The following NME5 variants were observed in gnomAD, a reference collection of about 807,000 sequenced individuals.
NME5 encodes the protein NME/NM23 family member 5, also known as nucleoside diphosphate kinase 5.
Under a neutral mutation model 21.6 loss-of-function variants are expected in NME5, and 18 were observed. The observed-to-expected ratio is 0.83, with a 90% CI of 0.58 to 1.24. NME5 has a LOEUF of 1.24. Among genes scored for constraint, NME5 ranks in the 50% most tolerant of loss-of-function variants. The probability of loss-of-function intolerance (pLI) is 0.00; values close to 1 mark genes in which losing one functional copy is unlikely to be tolerated. For synonymous variants in NME5, 70 were observed against 80.6 expected (o/e 0.87, Z 0.71); for missense variants, 223 against 255.4 (o/e 0.87, Z 0.86).
rs551894916 is a variant in NME5 at position 138,121,637 on chromosome 5, G to A, written c.437-2701C>T. 2.0e-5 allele frequency among the ~76,000 whole-genome samples: 3 copies of A among 152,204 alleles called. No homozygotes were observed. The South Asian group carries it at 6.2e-4, about 32-fold the overall frequency. ...AGTTTACTTCTAGATCCTCAATTCT[G>A]TTCCAATAATCTATATGTGTATCTT... On this transcript the variant is annotated intron_variant, in intron 4 of 5. Coordinates refer to ENST00000265191, the MANE Select transcript of NME5 (RefSeq NM_003551.3).
chr5:138,129,130 GC>G, intron 3 of NME5, 132 bp downstream of exon 3: 1 of 672,098 alleles, frequency 1.5e-6, no homozygotes, highest in South Asian at 2.0e-5. Context: ...GCCACCCTCT[GC>G]CCCCCAAAAA....
At chr5:138,116,854 C>T (rs1288360156) in intron 5 of NME5, among the ~76,000 whole-genome samples, 2 of 151,974 alleles carry the variant, frequency 1.3e-5, no homozygotes, top group African/African-American at 4.8e-5. Flanking sequence ...ACCCCTATAC[C>T]ACACCATATA....
At chr5:138,138,498 T>C in intron 2 of NME5, 154 bp downstream of exon 2, 2 of 619,790 alleles carry the variant, frequency 3.2e-6, no homozygotes, top group Non-Finnish European at 5.3e-6. Flanking sequence ...TACATCCTTT[T>C]AAAAACTATC....
intron 5 of NME5, 147 bp from the exon 6 acceptor site, chr5:138,115,911 T>C: frequency 3.8e-6 from 2 of 530,730 alleles, no homozygotes; most frequent in Non-Finnish European, 6.4e-6. Context: ...ATTTACATTA[T>C]GCAAGATTGT....
chr5:138,127,221 G>A (rs1198888067), intron 4 of NME5, among the ~76,000 whole-genome samples: 3 of 152,142 alleles, frequency 2.0e-5, no homozygotes. Context: ...TGACTGAAAG[G>A]CCAGTGGAGA....
intron 2 of NME5, among the ~76,000 whole-genome samples, chr5:138,131,806 T>C (rs1483143699): frequency 1.3e-5 from 2 of 151,926 alleles, no homozygotes; most frequent in Non-Finnish European, 2.9e-5. Context: ...TGCAGTGGTG[T>C]GATCTTGGCT....
intron 3 of NME5, 64 bp downstream of exon 3, chr5:138,129,198 AT>A (rs11428296): frequency 8.1e-3 from 8,547 of 1,059,014 alleles, no homozygotes; most frequent in South Asian, 0.011. Context: ...ATGAAATCAG[AT>A]TTTTTTTTTT....
intron 2 of NME5, among the ~76,000 whole-genome samples, chr5:138,132,722 T>C (rs982533365): frequency 2.6e-4 from 40 of 152,254 alleles, no homozygotes; most frequent in African/African-American, 8.4e-4. Flanking sequence ...GGAACACGCT[T>C]ACCTAGGTGG....
In NME5 at chr5:138,132,949, T is replaced by G. The variant is rs149909076; in HGVS notation, c.130-3481A>C. On this transcript the variant is annotated intron_variant, in intron 2 of 5. Coordinates refer to ENST00000265191, the MANE Select transcript of NME5 (RefSeq NM_003551.3). ...GATTATGCGTATTAGCGTTTTTTTTTTTTGTTTTTTCTTGCTGAGTTTAAA... is the reference window on the plus strand; with the variant it reads ...GATTATGCGTATTAGCGTTTTTTTTGTTTGTTTTTTCTTGCTGAGTTTAAA... Among the ~76,000 whole-genome samples, 558 of 152,258 alleles carry G rather than the reference T, an allele frequency of 3.7e-3. 3 individuals are homozygous for G. Among genetic ancestry groups the G allele is most frequent in the African/African-American group, 0.013 (530 of 41,548 alleles).
rs543775148 is a variant in NME5, at chr5:138,131,642, A to T, written c.130-2174T>A. The stretch of plus-strand genomic sequence containing the variant: ...CAAATAGATGTTATTTCCTTCACAA[A>T]TGAGACTATAAAAATTAATCAGGTT... On this transcript the variant is annotated intron_variant, in intron 2 of 5. Coordinates refer to ENST00000265191, the MANE Select transcript of NME5 (RefSeq NM_003551.3). Among the ~76,000 whole-genome samples, 3 of 152,290 alleles carry T rather than the reference A, an allele frequency of 2.0e-5. No homozygotes were observed. The South Asian group carries it at 6.2e-4, about 32-fold the overall frequency.
At chr5:138,137,595 C>A (rs1444826868) in intron 2 of NME5, among the ~76,000 whole-genome samples, 1 of 150,306 alleles carries the variant, frequency 6.7e-6, no homozygotes, top group Non-Finnish European at 1.5e-5. Flanking sequence ...GGATTACAGG[C>A]GTGAGCCACC....
intron 2 of NME5, among the ~76,000 whole-genome samples, chr5:138,129,703 G>A (rs1751515473): frequency 6.6e-6 from 1 of 152,178 alleles, no homozygotes; most frequent in East Asian, 1.9e-4. Flanking sequence ...CATGCCTGTA[G>A]TCCTAGCACT....
At chr5:138,119,617 G>A (rs1037770641) in intron 4 of NME5, among the ~76,000 whole-genome samples, 1 of 151,864 alleles carries the variant, frequency 6.6e-6, no homozygotes, top group Admixed American at 6.6e-5. Context: ...TTACAGGCAT[G>A]AGCCACTGCA....
At chr5:138,135,319 C>CA (rs753075071) in intron 2 of NME5, among the ~76,000 whole-genome samples, 343 of 90,644 alleles carry the variant, frequency 3.8e-3, no homozygotes, top group East Asian at 0.017. Flanking sequence ...GACTCCGTCT[C>CA]AAAAAAAAAA....
At position 138,138,642 on chromosome 5, in the gene NME5, C is replaced by G; in HGVS notation, c.129+10G>C. On this transcript the variant is annotated intron_variant, in intron 2 of 5. Coordinates refer to ENST00000265191, the MANE Select transcript of NME5 (RefSeq NM_003551.3). The stretch of plus-strand genomic sequence containing the variant: ...GGAAAAAAGCATGAATCATCATACC[C>G]AGAAGTTACCTGAACAATGGTGAAT... 1.9e-6 allele frequency: 3 copies of G among 1,606,742 alleles called. No individual in the cohort carries two copies. Among genetic ancestry groups the G allele is most frequent in the Non-Finnish European group, 2.5e-6 (3 of 1,178,142 alleles).
chr5:138,130,727 C>G (rs1207632544), intron 2 of NME5, among the ~76,000 whole-genome samples: 2 of 151,338 alleles, frequency 1.3e-5, no homozygotes, highest in African/African-American at 4.9e-5. Flanking sequence ...GAGTTCGAGA[C>G]TAGCCTGGTG....
At chr5:138,134,749 G>A (rs963971083) in intron 2 of NME5, among the ~76,000 whole-genome samples, 40 of 145,636 alleles carry the variant, frequency 2.7e-4, no homozygotes, top group Non-Finnish European at 5.1e-4. Flanking sequence ...TTTTTGAGAC[G>A]GAGTCTCGCT....
chr5:138,122,018 A>T (rs556842168), intron 4 of NME5, among the ~76,000 whole-genome samples: 11 of 152,270 alleles, frequency 7.2e-5, no homozygotes, highest in African/African-American at 2.6e-4. Context: ...ATTTAGAAAG[A>T]ATTGCCATCT....
chr5:138,136,471 A>C (rs767080410), intron 2 of NME5, among the ~76,000 whole-genome samples: 1 of 151,934 alleles, frequency 6.6e-6, no homozygotes, highest in Non-Finnish European at 1.5e-5. Flanking sequence ...TGTTCTGCCC[A>C]TTTTTCTACT....
Sources: gnomAD v4.1 joint callset for allele counts (sites outside exome capture counted in the v4.1 genomes callset) on GRCh38, gnomAD v4.1.1 for gene constraint, MANE v1.5 for transcripts, NCBI Gene and HGNC (gene_info 2026-07-23, HGNC 2026-07-21) for gene names.